Variants in GATAD2A observed in about 807,000 individuals in gnomAD.
GATAD2A encodes transcriptional repressor p66-alpha.
GATAD2A carries 12 observed loss-of-function variants against 68.5 expected under a neutral mutation model. That is an observed-to-expected ratio of 0.18 (90% CI 0.11 to 0.28). The LOEUF is 0.28. Ranked by LOEUF, GATAD2A falls within the 10% of genes least tolerant of loss-of-function variation. GATAD2A has a pLI of 1.00. For synonymous variants in GATAD2A, 410 were observed against 375.3 expected, an observed-to-expected ratio of 1.09 and a Z score of -1.07; for missense variants, 755 against 868.5, an observed-to-expected ratio of 0.87 and a Z score of 1.64.
intron 1 of GATAD2A, chr19:19,457,351 CAT>C: frequency 2.3e-6 from 1 of 441,310 alleles, no homozygotes; most frequent in African/African-American, 2.1e-5. Context: ...TGCCTGGAGA[CAT>C]CTGAGGATGG....
chr19:19,466,431 GCT>G (rs1397694271), intron 2 of GATAD2A, among the ~76,000 whole-genome samples: 1 of 152,152 alleles, frequency 6.6e-6, no homozygotes, highest in African/African-American at 2.4e-5. Flanking sequence ...GTGGCCCGTT[GCT>G]CTCTCTCCTC....
intron 2 of GATAD2A, among the ~76,000 whole-genome samples, chr19:19,468,459 C>A (rs2058040921): frequency 6.6e-6 from 1 of 152,164 alleles, no homozygotes; most frequent in African/African-American, 2.4e-5. Context: ...ATCCAGGAAT[C>A]CCAACAAACC....
At chr19:19,473,665 C>CA (rs1410909921) in intron 2 of GATAD2A, among the ~76,000 whole-genome samples, 1 of 151,488 alleles carries the variant, frequency 6.6e-6, no homozygotes, top group Non-Finnish European at 1.5e-5. Context: ...AGGCCAGGCG[C>CA]GGTGGCTCAC....
At chr19:19,498,816 C>A in intron 8 of GATAD2A, 94 bp downstream of exon 8, 3 of 1,122,854 alleles carry the variant, frequency 2.7e-6, no homozygotes, top group Non-Finnish European at 3.9e-6. Context: ...GAGGCTGGGG[C>A]AGGGCTGCCT....
chr19:19,473,635 C>T (rs1358285182), intron 2 of GATAD2A, among the ~76,000 whole-genome samples: 1 of 151,998 alleles, frequency 6.6e-6, no homozygotes, highest in Non-Finnish European at 1.5e-5. Flanking sequence ...GCATGCGTGC[C>T]CATCATTAAA....
chr19:19,435,711 A>G (rs980805849), intron 1 of GATAD2A, among the ~76,000 whole-genome samples: 11 of 152,242 alleles, frequency 7.2e-5, no homozygotes, highest in African/African-American at 2.6e-4. Context: ...TCAGCCGGGC[A>G]TAGTGGTGGG....
At chr19:19,474,908 G>T (rs539069865) in intron 2 of GATAD2A, among the ~76,000 whole-genome samples, 6 of 152,326 alleles carry the variant, frequency 3.9e-5, no homozygotes, top group Non-Finnish European at 5.9e-5. Context: ...TGGCCTACAC[G>T]TGTGGCTCTG....
chr19:19,408,152 A>G (rs747387471), intron 1 of GATAD2A, among the ~76,000 whole-genome samples: 2 of 152,094 alleles, frequency 1.3e-5, no homozygotes, highest in Non-Finnish European at 1.5e-5. Context: ...ATGCCCGGCT[A>G]AGTTTTGTAT....
In GATAD2A at chr19:19,502,345, G is replaced by A. The variant is rs373065120; in HGVS notation, c.1593G>A (p.Leu531=). Residue 531 remains leucine, a synonymous_variant, in exon 11 of 12, where the codon CTG becomes CTA. Transcript: ENST00000683918. ...NGAVLQASSQ[L]SRGSATTPRG... ...CTCCACTGCAGGCCTCCAGCCAGCT[G>A]TCCCGGGGTTCGGCCACGACGCCCC... 9.3e-6 allele frequency: 15 copies of A among 1,611,556 alleles called. No homozygotes were observed. The African/African-American group carries it at 1.7e-4, about 19-fold the overall frequency.
chr19:19,473,905 C>A (rs1231070364), intron 2 of GATAD2A: 1 of 274,882 alleles, frequency 3.6e-6, no homozygotes, highest in Non-Finnish European at 5.5e-6. Context: ...CAGATCACAC[C>A]ACTGCACTCC....
chr19:19,492,772 C>G, intron 4 of GATAD2A, 60 bp downstream of exon 4: 1 of 1,571,258 alleles, frequency 6.4e-7, no homozygotes, highest in Non-Finnish European at 8.7e-7. Context: ...TGCCTTGATC[C>G]CCTCATCAAT....
chr19:19,397,252 T>C (rs2049326571), intron 1 of GATAD2A, among the ~76,000 whole-genome samples: 3 of 151,984 alleles, frequency 2.0e-5, no homozygotes. Flanking sequence ...TGAGCTTTTA[T>C]TTTTTTTGAG....
At chr19:19,494,028 C>T (rs1471121274) in intron 4 of GATAD2A, among the ~76,000 whole-genome samples, 1 of 152,144 alleles carries the variant, frequency 6.6e-6, no homozygotes, top group East Asian at 1.9e-4. Context: ...CAGGATACTG[C>T]GTGGGTGTCA....
At chr19:19,458,872 T>C (rs1156648329) in intron 1 of GATAD2A, among the ~76,000 whole-genome samples, 2 of 152,214 alleles carry the variant, frequency 1.3e-5, no homozygotes, top group African/African-American at 4.8e-5. Context: ...GTTGGAGTAT[T>C]GGAGGAGCCA....
At position 19,496,237 on chromosome 19, in the gene GATAD2A, CTG is replaced by C. The variant is rs779506191; in HGVS notation, c.924+21_924+22del. ...TCCCACAGGTGAGGGCTGCGCCACA[CTG>C]TGCCAGGGAGAGTGTGTGTCCCACC... On this transcript the variant is annotated intron_variant, in intron 7 of 11. Transcript: ENST00000683918. 36 of 1,610,428 alleles carry C rather than the reference CTG, an allele frequency of 2.2e-5. No homozygotes were observed. In the African/African-American group the frequency reaches 2.9e-4, roughly 13 times the overall value.
At chr19:19,430,992 T>G (rs912657686) in intron 1 of GATAD2A, among the ~76,000 whole-genome samples, 10 of 150,688 alleles carry the variant, frequency 6.6e-5, no homozygotes, top group African/African-American at 2.4e-4. Context: ...TGTGTGTGTG[T>G]GTGTGTGTGT....
At chr19:19,431,967 G>T (rs1206799455) in intron 1 of GATAD2A, among the ~76,000 whole-genome samples, 1 of 151,924 alleles carries the variant, frequency 6.6e-6, no homozygotes, top group Non-Finnish European at 1.5e-5. Flanking sequence ...ACACGGAGGG[G>T]TTAATTTTTT....
intron 1 of GATAD2A, among the ~76,000 whole-genome samples, chr19:19,462,370 A>G (rs2057510464): frequency 6.6e-6 from 1 of 152,162 alleles, no homozygotes. Flanking sequence ...GCTCCTGCCA[A>G]AGGAGCCCCC....
At chr19:19,438,628 GGAGGAA>G in intron 1 of GATAD2A, among the ~76,000 whole-genome samples, 1 of 152,302 alleles carries the variant, frequency 6.6e-6, no homozygotes, top group Non-Finnish European at 1.5e-5. Flanking sequence ...ATAAATGAAT[GGAGGAA>G]ACCTCCCTCT....
Sources: allele counts gnomAD v4.1 joint callset (sites outside exome capture counted in the v4.1 genomes callset), GRCh38; gene constraint gnomAD v4.1.1; transcripts MANE v1.5; gene names NCBI Gene and HGNC (gene_info 2026-07-23, HGNC 2026-07-21).